Variants in ABCA13 observed in about 807,000 individuals in gnomAD.
ABCA13 encodes the protein ATP binding cassette subfamily A member 13, also known as ATP-binding cassette sub-family A member 13.
ABCA13 carries 476 observed loss-of-function variants against 478.7 expected under a neutral mutation model. The observed-to-expected ratio is 0.99, with a 90% confidence interval of 0.92 to 1.07. The LOEUF is 1.07. ABCA13 is among the 50% of genes least tolerant of loss of function. The probability of loss-of-function intolerance (pLI) is 0.00; values close to 1 mark genes in which losing one functional copy is unlikely to be tolerated. For missense variants in ABCA13, 6,060 were observed against 5,910.6 expected, an observed-to-expected ratio of 1.03 and a Z score of -0.83; for synonymous variants, 2,252 against 2,158.9, an observed-to-expected ratio of 1.04 and a Z score of -1.20.
At chr7:48,368,714 TAC>T (rs1554475187) in intron 32 of ABCA13, among the ~76,000 whole-genome samples, 3 of 118,558 alleles carry the variant, frequency 2.5e-5, no homozygotes, top group Non-Finnish European at 5.5e-5. Context: ...TATATATATA[TAC>T]ACATACACAC....
chr7:48,275,230 T>C lies in ABCA13; in HGVS notation c.5564T>C (p.Val1855Ala), dbSNP rs1796141182. ...ATGTCTTCTTCCTTTTATGGCAAAG[T>C]GGCCAGTATACTTGATCATTTCCAC... Reference protein sequence around the residue: ...GLMSSSFYGKVASILDHFHLS... With the variant: ...GLMSSSFYGKAASILDHFHLS... Residue 1855 changes from valine (V) to alanine (A), a missense_variant, in exon 17 of 62, where the codon GTG (valine) becomes GCG (alanine). Transcript: ENST00000435803. 1 of 1,613,936 alleles carries C rather than the reference T, an allele frequency of 6.2e-7. No individual in the cohort carries two copies. The highest frequency in any genetic ancestry group is 8.5e-7 in the Non-Finnish European group (1 of 1,179,860).
chr7:48,171,468 G>A lies in ABCA13; in HGVS notation c.-16G>A, dbSNP rs760928159. On this transcript the variant is annotated 5_prime_UTR_variant, in exon 1 of 62. Transcript: ENST00000435803. ...TTACAGGCTGGCTTCCTGACTGAGA[G>A]CAGGGAGCAGCAGGCATGGGGCATG... 6.5e-7 allele frequency: 1 copy of A among 1,535,720 alleles called. No individual in the cohort carries two copies. Among genetic ancestry groups the A allele is most frequent in the East Asian group, 2.4e-5 (1 of 40,922 alleles).
In ABCA13 at chr7:48,309,180, G is replaced by A. The variant is rs116536312; in HGVS notation, c.9322-767G>A. On this transcript the variant is annotated intron_variant, in intron 23 of 61. Coordinates refer to ENST00000435803, the MANE Select transcript of ABCA13 (RefSeq NM_152701.5). ...TGAGTTCTCCGTGCTCTTCTTCAGA[G>A]AGCATGGTTCCTATTCACATAGGTT... is the stretch of plus-strand genomic sequence containing the variant. Among the ~76,000 whole-genome samples, 464 of 151,902 alleles carry A rather than the reference G, an allele frequency of 3.1e-3. 3 individuals carry two copies. The highest frequency in any genetic ancestry group is 0.011 in the African/African-American group (440 of 41,398).
chr7:48,275,658 AT>A lies in ABCA13; in HGVS notation c.5995del (p.Ser1999ProfsTer10), dbSNP rs1367867028. 6.3e-7 allele frequency: 1 copy of A among 1,598,880 alleles called. No homozygotes were observed. The highest frequency in any genetic ancestry group is 1.3e-5 in the African/African-American group (1 of 74,644). On this transcript the variant is annotated frameshift_variant, in exon 17 of 62. Transcript: ENST00000435803. LOFTEE classifies it high-confidence loss of function. ...CACAGAGACATCTGTTCAAAATATTATTTCCTCAAATTTGGAAAGGACAGTA... is the reference window on the plus strand; with the variant it reads ...CACAGAGACATCTGTTCAAAATATTATTCCTCAAATTTGGAAAGGACAGTA... ...EDTETSVQNI[I>X]SSNLERTVQL... is the part of the protein sequence containing the mutation.
intron 55 of ABCA13, among the ~76,000 whole-genome samples, chr7:48,563,180 C>T (rs1786649355): frequency 6.6e-6 from 1 of 152,104 alleles, no homozygotes; most frequent in Non-Finnish European, 1.5e-5. Flanking sequence ...CCCAGTCATG[C>T]AGCATTTCTC....
chr7:48,447,795 T>C (rs1363994472), intron 42 of ABCA13, among the ~76,000 whole-genome samples: 1 of 152,168 alleles, frequency 6.6e-6, no homozygotes, highest in African/African-American at 2.4e-5. Context: ...GGGAGTGAGA[T>C]TAAAGCTGAA....
intron 1 of ABCA13, among the ~76,000 whole-genome samples, chr7:48,178,133 A>T (rs1005242758): frequency 6.6e-6 from 1 of 152,034 alleles, no homozygotes; most frequent in Non-Finnish European, 1.5e-5. Flanking sequence ...TTTAATTTCA[A>T]TTGATCTGAA....
At chr7:48,355,478 C>T (rs756242392) in intron 31 of ABCA13, among the ~76,000 whole-genome samples, 1 of 151,972 alleles carries the variant, frequency 6.6e-6, no homozygotes, top group Non-Finnish European at 1.5e-5. Context: ...TATTAAAAGA[C>T]TGCTGGAGAG....
chr7:48,238,920 C>T (rs73694385), intron 8 of ABCA13, among the ~76,000 whole-genome samples: 5,944 of 152,164 alleles, frequency 0.039, 357 homozygotes, highest in African/African-American at 0.13. Context: ...TTTGTTAGTC[C>T]GAAGTATGAA....
chr7:48,233,954 A>G, intron 7 of ABCA13, 64 bp from the exon 8 acceptor site: 3 of 1,566,228 alleles, frequency 1.9e-6, no homozygotes, highest in Non-Finnish European at 2.6e-6. Context: ...TTTTTTCTGG[A>G]TTACATTAAA....
At chr7:48,354,183 G>A (rs907419654) in intron 31 of ABCA13, among the ~76,000 whole-genome samples, 3 of 151,938 alleles carry the variant, frequency 2.0e-5, no homozygotes, top group African/African-American at 7.3e-5. Flanking sequence ...GAAATCTATT[G>A]CATTCTGACA....
At chr7:48,596,777 G>A (rs908621713) in intron 58 of ABCA13, among the ~76,000 whole-genome samples, 9 of 151,810 alleles carry the variant, frequency 5.9e-5, no homozygotes, top group South Asian at 2.1e-4. Context: ...CAGCCTGGGC[G>A]TCAGAGCAAG....
chr7:48,607,740 C>G (rs1419688820), intron 58 of ABCA13, among the ~76,000 whole-genome samples: 1 of 152,072 alleles, frequency 6.6e-6, no homozygotes, highest in African/African-American at 2.4e-5. Context: ...TTCTGATTCT[C>G]CCTCCCCTGT....
intron 59 of ABCA13, among the ~76,000 whole-genome samples, chr7:48,620,297 T>C (rs1266326026): frequency 6.6e-6 from 1 of 152,166 alleles, no homozygotes; most frequent in Admixed American, 6.6e-5. Flanking sequence ...CAGATACCAG[T>C]CAAAGCAAAG....
intron 43 of ABCA13, among the ~76,000 whole-genome samples, chr7:48,457,953 A>G (rs1017652386): frequency 1.3e-5 from 2 of 152,218 alleles, no homozygotes; most frequent in African/African-American, 4.8e-5. Context: ...TTGCAGTGAT[A>G]GTCAAAAATT....
intron 15 of ABCA13, among the ~76,000 whole-genome samples, chr7:48,268,256 A>T (rs1234044161): frequency 6.6e-6 from 1 of 152,086 alleles, no homozygotes; most frequent in Non-Finnish European, 1.5e-5. Context: ...TCCCGGGTTC[A>T]AACAATTCTC....
chr7:48,421,764 C>A (rs574056229), intron 41 of ABCA13, among the ~76,000 whole-genome samples: 2 of 152,274 alleles, frequency 1.3e-5, no homozygotes, highest in Admixed American at 1.3e-4. Flanking sequence ...TCTCTTTCTG[C>A]CTATAAATAC....
intron 15 of ABCA13, among the ~76,000 whole-genome samples, chr7:48,262,831 T>G (rs770491552): frequency 6.6e-6 from 1 of 151,952 alleles, no homozygotes; most frequent in Admixed American, 6.6e-5. Flanking sequence ...AGCTAGCAAC[T>G]GAAAGAAGAG....
chr7:48,215,923 TTG>T (rs1364243086), intron 3 of ABCA13, among the ~76,000 whole-genome samples: 1 of 152,162 alleles, frequency 6.6e-6, no homozygotes, highest in Non-Finnish European at 1.5e-5. Context: ...TTCATTCATG[TTG>T]TAGCATCTAA....
Sources: allele counts gnomAD v4.1 joint callset (sites outside exome capture counted in the v4.1 genomes callset), GRCh38; gene constraint gnomAD v4.1.1; transcripts MANE v1.5; gene names NCBI Gene and HGNC (gene_info 2026-07-23, HGNC 2026-07-21).